Variants in TLR10 observed in about 807,000 individuals in gnomAD.
TLR10 encodes toll like receptor 10.
For synonymous variants in TLR10, 288 were observed against 338.8 expected, an observed-to-expected ratio of 0.85 and a Z score of 1.65; for missense variants, 929 against 932.9, an observed-to-expected ratio of 1.00 and a Z score of 0.05.
In TLR10 at chr4:38,773,958, C is replaced by T; in HGVS notation, c.1633G>A (p.Val545Ile). ...QLETYSEVMM[V>I]GWSDSYTCEY... ...CAGGTGTATGAATCTGACCATCCAA[C>T]CATCATGACCTCTGAATATGTTTCA... Residue 545 changes from valine to isoleucine, a missense_variant, in exon 4 of 4, where the codon GTT (valine) becomes ATT (isoleucine). By Grantham distance (29) the Val-to-Ile change is conservative. Transcript: ENST00000308973. The T allele has an allele frequency of 6.3e-7, 1 of 1,579,682 alleles. No homozygotes were observed. Among genetic ancestry groups the T allele is most frequent in the African/African-American group, 1.4e-5 (1 of 73,920 alleles).
At chr4:38,778,805 A>G (rs2109318732) in intron 1 of TLR10, among the ~76,000 whole-genome samples, 1 of 152,216 alleles carries the variant, frequency 6.6e-6, no homozygotes. Flanking sequence ...CAGAAAGAGG[A>G]TGGGTTAGAG....
rs1181064415 is a variant in TLR10, at chr4:38,776,185, G to A, written c.-327C>T. The A allele has an allele frequency of 5.7e-6, 1 of 174,218 alleles. No homozygotes were observed. The highest frequency in any genetic ancestry group is 1.3e-5 in the Non-Finnish European group (1 of 79,782). The allele number at this position is 174,218 out of a possible 1,614,324, so 10.8% of individuals were successfully genotyped here. On this transcript the variant is annotated 5_prime_UTR_variant, in exon 2 of 4. Coordinates refer to ENST00000308973, the MANE Select transcript of TLR10 (RefSeq NM_030956.4). ...TTCTGCCTCTATATGTCTTCAGGTT[G>A]GTGGCAAAAGCAATCTGGATTACTG...
chr4:38,780,017 C>T (rs1003720431), intron 1 of TLR10, among the ~76,000 whole-genome samples: 3 of 152,160 alleles, frequency 2.0e-5, no homozygotes, highest in Admixed American at 6.5e-5. Flanking sequence ...CTTAGTACAA[C>T]GTGATGCATA....
rs1425331510 is a variant in TLR10, at chr4:38,775,408, A to G, written c.183T>C (p.Phe61=). The change falls in exon 4 of 4, where the codon TTT becomes TTC. Residue 61 remains phenylalanine (F), a synonymous_variant. Coordinates refer to ENST00000308973, the MANE Select transcript of TLR10 (RefSeq NM_030956.4). Reference sequence around the variant, plus strand: ...AATGAAAATCTGAACTCTGGAGTTGAAAAAGGAGGTTATAGGATAAATCCA... The same window carrying G: ...AATGAAAATCTGAACTCTGGAGTTGGAAAAGGAGGTTATAGGATAAATCCA... ...TTLDLSYNLL[F]QLQSSDFHSV... 6.2e-7 allele frequency: 1 copy of G among 1,614,156 alleles called. No individual in the cohort carries two copies. Among genetic ancestry groups the G allele is most frequent in the Non-Finnish European group, 8.5e-7 (1 of 1,180,026 alleles).
intron 1 of TLR10, among the ~76,000 whole-genome samples, chr4:38,781,364 T>C (rs1458607506): frequency 6.6e-6 from 1 of 151,646 alleles, no homozygotes; most frequent in Non-Finnish European, 1.5e-5. Context: ...AGATGGAGTC[T>C]CGCTCTGTTG....
chr4:38,781,493 C>G (rs1237582433), intron 1 of TLR10, among the ~76,000 whole-genome samples: 1 of 152,142 alleles, frequency 6.6e-6, no homozygotes, highest in African/African-American at 2.4e-5. Context: ...TGCCATCACA[C>G]CCGGCTAATT....
Position 38,773,810 on chromosome 4 carries a change from A to T in TLR10, c.1781T>A (p.Val594Glu). ...ATCAAAGTGGAGACAGCAGAAGGCC[A>T]CAGCCAACCCCAGAACTAGCATAAT... Reference protein sequence around the residue: ...VVIMLVLGLAVAFCCLHFDLP... With the variant: ...VVIMLVLGLAEAFCCLHFDLP... The change falls in exon 4 of 4, where the codon GTG (valine) becomes GAG (glutamate). Residue 594 changes from valine to glutamate, a missense_variant. Physicochemically the swap from Val to Glu is moderately radical, Grantham distance 121. Coordinates refer to ENST00000308973, the MANE Select transcript of TLR10 (RefSeq NM_030956.4). 1 of 1,594,246 alleles carries T rather than the reference A, an allele frequency of 6.3e-7. No individual in the cohort carries two copies. The highest frequency in any genetic ancestry group is 1.1e-5 in the South Asian group (1 of 87,292).
chr4:38,772,945 C>A lies in TLR10; in HGVS notation c.*210G>T, dbSNP rs1254058192. Reference sequence around the variant, plus strand: ...CACATTTTTCATGATTATAAACAATCCTGGGATGAACACCTTTTTCCATAA... The same window carrying A: ...CACATTTTTCATGATTATAAACAATACTGGGATGAACACCTTTTTCCATAA... On this transcript the variant is annotated 3_prime_UTR_variant, in exon 4 of 4. Coordinates refer to ENST00000308973, the MANE Select transcript of TLR10 (RefSeq NM_030956.4). 7.5e-6 allele frequency: 3 copies of A among 400,904 alleles called. No individual in the cohort carries two copies. Among genetic ancestry groups the A allele is most frequent in the Admixed American group, 4.3e-5 (1 of 23,344 alleles). 24.8% of individuals were successfully genotyped at this position (400,904 alleles called of 1,614,324 possible).
chr4:38,775,727 T>A, intron 3 of TLR10, 48 bp downstream of exon 3: 1 of 851,326 alleles, frequency 1.2e-6, no homozygotes, highest in African/African-American at 1.7e-5. Flanking sequence ...GCAAAAAAAA[T>A]GCCAACATCT....
At chr4:38,776,460 G>C (rs1725064124) in intron 1 of TLR10, 34 bp from the exon 2 acceptor site, 2 of 152,800 alleles carry the variant, frequency 1.3e-5, no homozygotes, top group African/African-American at 4.8e-5. Flanking sequence ...TTTCAGGTTA[G>C]ATTTCAATGT....
At position 38,773,567 on chromosome 4, in the gene TLR10, C is replaced by T; in HGVS notation, c.2024G>A (p.Gly675Asp). 6.2e-7 allele frequency: 1 copy of T among 1,607,028 alleles called. No individual in the cohort carries two copies. Among genetic ancestry groups the T allele is most frequent in the Non-Finnish European group, 8.5e-7 (1 of 1,177,076 alleles). ...TACAATATTTTCACTAATGCTTTTG[C>T]CAGGGTCAAAGTAGCTTTCATAAAG... ...ICLYESYFDP[G>D]KSISENIVSF... Residue 675 changes from glycine (G) to aspartate (D), a missense_variant, in exon 4 of 4, where the codon GGC becomes GAC. Physicochemically the swap from Gly to Asp is moderately conservative, Grantham distance 94 (BLOSUM62 -1). Transcript: ENST00000308973.
chr4:38,773,082 C>A lies in TLR10; in HGVS notation c.*73G>T. On this transcript the variant is annotated 3_prime_UTR_variant, in exon 4 of 4. Coordinates refer to ENST00000308973, the MANE Select transcript of TLR10 (RefSeq NM_030956.4). ...TATTTTAATAAATATTGTCAAATTG[C>A]CATCATAAAGGTTGTATCAATGTAC... 2.3e-6 allele frequency: 3 copies of A among 1,303,312 alleles called. No individual in the cohort carries two copies. The highest frequency in any genetic ancestry group is 2.3e-5 in the South Asian group (1 of 44,144). The allele number at this position is 1,303,312 out of a possible 1,614,324, so 80.7% of individuals were successfully genotyped here. A position where few individuals can be genotyped will look rare whatever the true frequency, so the allele number is the denominator to read the frequency against.
chr4:38,780,129 G>A (rs1471849891), intron 1 of TLR10, among the ~76,000 whole-genome samples: 9 of 152,282 alleles, frequency 5.9e-5, no homozygotes, highest in East Asian at 5.8e-4. Context: ...TAGGCCTGGC[G>A]CGGTGGCTCA....
Position 38,774,001 on chromosome 4 carries a change from T to A in TLR10, c.1590A>T (p.Leu530Phe). 1 of 1,595,414 alleles carries A rather than the reference T, an allele frequency of 6.3e-7. No individual in the cohort carries two copies. The highest frequency in any genetic ancestry group is 8.5e-7 in the Non-Finnish European group (1 of 1,170,224). Residue 530 changes from leucine (L) to phenylalanine (F), a missense_variant, in exon 4 of 4, where the codon TTA (leucine) becomes TTT (phenylalanine). Transcript: ENST00000308973. ...ATGTTTCAAGCTGAATGAAATTTTTTAATTCACAGGTACACCGGAATGGAT... is the reference window on the plus strand; with the variant it reads ...ATGTTTCAAGCTGAATGAAATTTTTAAATTCACAGGTACACCGGAATGGAT... ...GRNPFRCTCELKNFIQLETYS... is the reference protein window; with the variant it reads ...GRNPFRCTCEFKNFIQLETYS...
At chr4:38,776,044 C>G (rs1725040478) in intron 2 of TLR10, 66 bp downstream of exon 2, 1 of 152,878 alleles carries the variant, frequency 6.5e-6, no homozygotes, top group Non-Finnish European at 1.5e-5. Flanking sequence ...AAGGAGTTAC[C>G]CCTCAATTTT....
chr4:38,775,702 G>T, intron 3 of TLR10, 50 bp from the exon 4 acceptor site: 1 of 1,145,924 alleles, frequency 8.7e-7, no homozygotes, highest in Non-Finnish European at 1.2e-6. Context: ...GTTAAATCCT[G>T]TAGGATTTTT....
At chr4:38,780,790 A>G (rs1316422700) in intron 1 of TLR10, among the ~76,000 whole-genome samples, 1 of 152,208 alleles carries the variant, frequency 6.6e-6, no homozygotes, top group African/African-American at 2.4e-5. Context: ...TAAAGACAGG[A>G]TCAGTATTGC....
rs11466635 is a variant in TLR10 at position 38,777,747 on chromosome 4, A to G, written c.-568-1321T>C. On this transcript the variant is annotated intron_variant, in intron 1 of 3. Coordinates refer to ENST00000308973, the MANE Select transcript of TLR10 (RefSeq NM_030956.4). Reference sequence around the variant, plus strand: ...AGAAATGCAAATCAAAACCACAATGAGATACCATCTCATGCCTGTTAGAAT... The same window carrying G: ...AGAAATGCAAATCAAAACCACAATGGGATACCATCTCATGCCTGTTAGAAT... 5.7e-3 allele frequency among the ~76,000 whole-genome samples: 871 copies of G among 152,356 alleles called. 7 individuals carry two copies. The highest frequency in any genetic ancestry group is 0.033 in the South Asian group (161 of 4,832).
In TLR10 at chr4:38,774,268, C is replaced by T. The variant is rs533456514; in HGVS notation, c.1323G>A (p.Leu441=). The part of the protein sequence containing the change: ...NKLSDSVFRC[L]PKSIQILDLN... ...GGTCAAGTATTTGAATACTTTTGGG[C>T]AAGCACCTGAAGACAGAATCAGACA... The change falls in exon 4 of 4, where the codon TTG becomes TTA. Residue 441 remains leucine, a synonymous_variant. Transcript: ENST00000308973. 1.2e-6 allele frequency: 2 copies of T among 1,613,864 alleles called. No individual in the cohort carries two copies. Among genetic ancestry groups the T allele is most frequent in the African/African-American group, 2.7e-5 (2 of 75,028 alleles).
Sources: allele counts gnomAD v4.1 joint callset (sites outside exome capture counted in the v4.1 genomes callset), GRCh38; gene constraint gnomAD v4.1.1; transcripts MANE v1.5; gene names NCBI Gene and HGNC (gene_info 2026-07-23, HGNC 2026-07-21).